The following ERN1 variants were observed in gnomAD, a reference collection of about 807,000 sequenced individuals.
ERN1 encodes endoplasmic reticulum to nucleus signaling 1.
ERN1 carries 39 observed loss-of-function variants against 113.1 expected under a neutral mutation model. That is an observed-to-expected ratio of 0.34 (90% CI 0.27 to 0.45). ERN1 has a LOEUF of 0.45. Among genes scored for constraint, ERN1 ranks in the 20% least tolerant of loss-of-function variants. ERN1 has a pLI of 1.00. For synonymous variants in ERN1, 507 were observed against 515.9 expected (o/e 0.98, Z 0.23); for missense variants, 976 against 1,274.8 (o/e 0.77, Z 3.57).
At chr17:64,079,615 G>T in intron 4 of ERN1, 47 bp downstream of exon 4, 1 of 1,471,210 alleles carries the variant, frequency 6.8e-7, no homozygotes, top group South Asian at 1.1e-5. Context: ...CTTAAGGACC[G>T]CTGGTCTAGA....
At chr17:64,081,796 C>T (rs1257292265) in intron 2 of ERN1, among the ~76,000 whole-genome samples, 3 of 152,178 alleles carry the variant, frequency 2.0e-5, no homozygotes, top group African/African-American at 2.4e-5. Flanking sequence ...ATTCTTCCCT[C>T]CCTAGATTTT....
At chr17:64,082,001 G>A (rs1207401915) in intron 2 of ERN1, among the ~76,000 whole-genome samples, 1 of 152,212 alleles carries the variant, frequency 6.6e-6, no homozygotes, top group Non-Finnish European at 1.5e-5. Flanking sequence ...TCTCTGGGGG[G>A]CAAGAACAGC....
intron 10 of ERN1, among the ~76,000 whole-genome samples, chr17:64,062,054 G>A (rs1039814742): frequency 1.3e-5 from 2 of 152,220 alleles, no homozygotes; most frequent in African/African-American, 4.8e-5. Context: ...CCTTACTCAT[G>A]AGACCACTAA....
intron 1 of ERN1, among the ~76,000 whole-genome samples, chr17:64,106,763 C>CACAA (rs373338585): frequency 7.2e-6 from 1 of 138,460 alleles, no homozygotes; most frequent in South Asian, 2.1e-4. Flanking sequence ...CACACACACA[C>CACAA]AAGCTCGCTG....
At chr17:64,091,259 T>C (rs1428273504) in intron 2 of ERN1, among the ~76,000 whole-genome samples, 1 of 152,182 alleles carries the variant, frequency 6.6e-6, no homozygotes, top group Admixed American at 6.5e-5. Context: ...CCAAAGGCCA[T>C]GCAAAACTCA....
At chr17:64,084,908 T>A (rs1437176352) in intron 2 of ERN1, among the ~76,000 whole-genome samples, 1 of 152,224 alleles carries the variant, frequency 6.6e-6, no homozygotes, top group Non-Finnish European at 1.5e-5. Flanking sequence ...TTTGATCAAC[T>A]GTTGCCACCT....
rs566637552 is a variant in ERN1 at position 64,049,609 on chromosome 17, T to C, written c.2254-407A>G. On this transcript the variant is annotated intron_variant, in intron 17 of 21. Coordinates refer to ENST00000433197, the MANE Select transcript of ERN1 (RefSeq NM_001433.5). The surrounding 1 kb of genome is among the most constrained non-coding windows in gnomAD (Gnocchi z 4.7). The stretch of plus-strand genomic sequence containing the variant: ...ACAGACAGGGTCTCTGTGTCGTTGC[T>C]TCCCTGCTGTACCCCCAGGGCCCAG... 2.6e-5 allele frequency among the ~76,000 whole-genome samples: 4 copies of C among 152,174 alleles called. No homozygotes were observed. Among genetic ancestry groups the C allele is most frequent in the Non-Finnish European group, 5.9e-5 (4 of 68,026 alleles).
chr17:64,048,218 A>G (rs147198322), intron 18 of ERN1, among the ~76,000 whole-genome samples: 8 of 152,372 alleles, frequency 5.3e-5, no homozygotes, highest in African/African-American at 1.9e-4. Context: ...AAGTGGATAC[A>G]CTACGGTGCC....
intron 2 of ERN1, among the ~76,000 whole-genome samples, chr17:64,084,506 A>G (rs1913864835): frequency 6.8e-6 from 1 of 146,760 alleles, no homozygotes; most frequent in South Asian, 2.1e-4. Flanking sequence ...AAGCTCGTGG[A>G]GCCTCAATTT....
intron 1 of ERN1, among the ~76,000 whole-genome samples, chr17:64,100,377 G>A (rs1210312293): frequency 6.6e-6 from 1 of 152,142 alleles, no homozygotes; most frequent in African/African-American, 2.4e-5. Context: ...AATCCCTGCT[G>A]AGCCCTCCTC....
intron 2 of ERN1, among the ~76,000 whole-genome samples, chr17:64,094,642 T>TTA (rs1251435229): frequency 6.6e-6 from 1 of 151,456 alleles, no homozygotes; most frequent in African/African-American, 2.4e-5. Context: ...TTTTTTTTTT[T>TTA]TAAGGACACT....
chr17:64,077,975 C>T (rs763934525), intron 4 of ERN1, among the ~76,000 whole-genome samples: 2 of 152,076 alleles, frequency 1.3e-5, no homozygotes, highest in East Asian at 1.9e-4. Context: ...CCTCGTGATC[C>T]GCCCACCTTG....
chr17:64,106,420 T>G (rs770593679), intron 1 of ERN1, among the ~76,000 whole-genome samples: 1 of 152,180 alleles, frequency 6.6e-6, no homozygotes, highest in Non-Finnish European at 1.5e-5. Context: ...TTATTAACCT[T>G]GGCAATCATG....
intron 1 of ERN1, among the ~76,000 whole-genome samples, chr17:64,118,446 T>C (rs1914868328): frequency 6.6e-6 from 1 of 152,244 alleles, no homozygotes; most frequent in South Asian, 2.1e-4. Context: ...AGAACTGGTC[T>C]GCCACTTGGG....
At chr17:64,098,454 G>T (rs1174323703) in intron 1 of ERN1, 2 of 738,710 alleles carry the variant, frequency 2.7e-6, no homozygotes, top group South Asian at 2.7e-5. Flanking sequence ...AGACAGGCAG[G>T]CTCATGACCT....
intron 2 of ERN1, among the ~76,000 whole-genome samples, chr17:64,088,544 G>A (rs1034137317): frequency 2.0e-5 from 3 of 152,178 alleles, no homozygotes; most frequent in African/African-American, 7.2e-5. Flanking sequence ...CCCCGCCGAG[G>A]AGGAAGAGGA....
intron 1 of ERN1, among the ~76,000 whole-genome samples, chr17:64,126,935 A>G (rs1915096360): frequency 6.6e-6 from 1 of 152,178 alleles, no homozygotes; most frequent in South Asian, 2.1e-4. Context: ...AAAAAAAGGT[A>G]CTTTGCCTCA....
chr17:64,101,915 C>T (rs1914395552), intron 1 of ERN1, among the ~76,000 whole-genome samples: 1 of 152,176 alleles, frequency 6.6e-6, no homozygotes, highest in African/African-American at 2.4e-5. Flanking sequence ...CAAAAGCCAC[C>T]TGCCTTGTCT....
chr17:64,074,185 G>T (rs1259701133), intron 5 of ERN1, among the ~76,000 whole-genome samples: 1 of 152,168 alleles, frequency 6.6e-6, no homozygotes, highest in Non-Finnish European at 1.5e-5. Flanking sequence ...ACTTTAATGG[G>T]TAGATTGGGC....
Sources: allele counts gnomAD v4.1 joint callset (sites outside exome capture counted in the v4.1 genomes callset), GRCh38; gene constraint gnomAD v4.1.1; non-coding constraint Gnocchi (gnomAD v3.1); transcripts MANE v1.5; gene names NCBI Gene and HGNC (gene_info 2026-07-23, HGNC 2026-07-21).